The following IL1RAPL1 variants were observed in gnomAD, a reference collection of about 807,000 sequenced individuals.
IL1RAPL1 encodes interleukin-1 receptor accessory protein-like 1.
A neutral mutation model predicts 48.4 loss-of-function variants in IL1RAPL1; 3 were observed. That is an observed-to-expected ratio of 0.06 (90% CI 0.03 to 0.16). IL1RAPL1 has a LOEUF of 0.16. Among genes scored for constraint, IL1RAPL1 ranks in the 10% least tolerant of loss-of-function variants. The probability of loss-of-function intolerance (pLI) is 1.00; values close to 1 mark genes in which losing one functional copy is unlikely to be tolerated. For synonymous variants in IL1RAPL1, 185 were observed against 187.7 expected (o/e 0.99, Z 0.12); for missense variants, 349 against 530.6 (o/e 0.66, Z 3.36).
At chrX:29,401,907 C>A (rs1385907535) in intron 5 of IL1RAPL1, among the ~76,000 whole-genome samples, 1 of 106,005 alleles carries the variant, frequency 9.4e-6, no homozygotes, top group Non-Finnish European at 1.9e-5. Context: ...TTTTTTTTTT[C>A]TTTGGGAAAC....
At chrX:29,920,237 C>T (rs950810207) in intron 8 of IL1RAPL1, 143 bp downstream of exon 8, 7 of 702,682 alleles carry the variant, frequency 1.0e-5, no homozygotes, top group African/African-American at 6.5e-5. Context: ...TTAGAGCCAC[C>T]GAGGCAAACA....
chrX:29,479,414 C>CTAAAAAAAAAAAAAAAAAA (rs1935012675), intron 5 of IL1RAPL1, among the ~76,000 whole-genome samples: 1 of 42,506 alleles, frequency 2.4e-5, no homozygotes, highest in Non-Finnish European at 4.2e-5. Flanking sequence ...GACCCTGTCT[C>CTAAAAAAAAAAAAAAAAAA]AAAAAAAAAA....
chrX:29,527,706 G>A (rs1365215984), intron 5 of IL1RAPL1, among the ~76,000 whole-genome samples: 2 of 110,961 alleles, frequency 1.8e-5, no homozygotes, highest in East Asian at 2.8e-4. Context: ...TAAAAACTTC[G>A]CATGACAAAA....
intron 3 of IL1RAPL1, among the ~76,000 whole-genome samples, chrX:29,386,867 A>C (rs914805558): frequency 1.1e-4 from 12 of 111,912 alleles, no homozygotes; most frequent in African/African-American, 3.6e-4. Context: ...AATGCTCAGT[A>C]AGTGAGAGTT....
intron 2 of IL1RAPL1, among the ~76,000 whole-genome samples, chrX:28,850,833 GTT>G (rs368433174): frequency 1.2e-5 from 1 of 86,950 alleles, no homozygotes. Flanking sequence ...TACCCCTATG[GTT>G]TTTTTTTTTT....
intron 5 of IL1RAPL1, among the ~76,000 whole-genome samples, chrX:29,457,718 A>G (rs1934755590): frequency 8.9e-6 from 1 of 111,950 alleles, no homozygotes; most frequent in Non-Finnish European, 1.9e-5. Context: ...TTTTGGATAT[A>G]TATTTAGTAA....
intron 1 of IL1RAPL1, among the ~76,000 whole-genome samples, chrX:28,596,246 A>C (rs1468990561): frequency 8.9e-6 from 1 of 111,949 alleles, no homozygotes; most frequent in East Asian, 2.8e-4. Flanking sequence ...AAGTAAAAAA[A>C]GGAAAATTGA....
chrX:29,605,999 A>G (rs990550455), intron 5 of IL1RAPL1, among the ~76,000 whole-genome samples: 2 of 112,101 alleles, frequency 1.8e-5, no homozygotes, highest in Admixed American at 9.4e-5. Flanking sequence ...TTTTCTCCGT[A>G]GTAAGAAACC....
At chrX:29,357,707 A>G (rs1163327560) in intron 3 of IL1RAPL1, among the ~76,000 whole-genome samples, 2 of 112,247 alleles carry the variant, frequency 1.8e-5, no homozygotes, top group African/African-American at 6.5e-5. Flanking sequence ...AAGACACGAT[A>G]CCTTTCCTCC....
chrX:29,160,652 A>C (rs1408488813), intron 2 of IL1RAPL1, among the ~76,000 whole-genome samples: 1 of 112,487 alleles, frequency 8.9e-6, no homozygotes, highest in Non-Finnish European at 1.9e-5. Context: ...ACTAAGTGCC[A>C]ACAACTATGC....
intron 5 of IL1RAPL1, among the ~76,000 whole-genome samples, chrX:29,554,879 A>G (rs1162928325): frequency 8.9e-6 from 1 of 112,540 alleles, no homozygotes; most frequent in Non-Finnish European, 1.9e-5. Flanking sequence ...ACACATTCCT[A>G]GTTTAACTAT....
chrX:29,030,671 A>T (rs61437931), intron 2 of IL1RAPL1, among the ~76,000 whole-genome samples: 35 of 111,468 alleles, frequency 3.1e-4, no homozygotes, highest in African/African-American at 1.0e-3. Context: ...TATGTTGAAC[A>T]TGGTAGTTTG....
intron 5 of IL1RAPL1, among the ~76,000 whole-genome samples, chrX:29,433,929 T>C (rs1934451100): frequency 9.1e-6 from 1 of 110,238 alleles, no homozygotes. Flanking sequence ...CTTTGGGAAC[T>C]GTATAGGGCT....
At chrX:29,043,489 T>A (rs2147418343) in intron 2 of IL1RAPL1, among the ~76,000 whole-genome samples, 1 of 111,248 alleles carries the variant, frequency 9.0e-6, no homozygotes, top group East Asian at 2.8e-4. Flanking sequence ...TTTTTAACGT[T>A]TTTCACTGTC....
At chrX:28,637,734 T>G (rs746673018) in intron 1 of IL1RAPL1, among the ~76,000 whole-genome samples, 1 of 112,486 alleles carries the variant, frequency 8.9e-6, no homozygotes, top group East Asian at 2.8e-4. Context: ...TAAAACATTG[T>G]GTTTGCGTCC....
chrX:29,738,186 T>A lies in IL1RAPL1; in HGVS notation c.778+69682T>A, dbSNP rs185507082. ...GAGGAGAGAAAACCTTATTCCTTTT[T>A]TCCACCCCAAGCTCACCTTCCTAGA... On this transcript the variant is annotated intron_variant, in intron 6 of 10. Coordinates refer to ENST00000378993, the MANE Select transcript of IL1RAPL1 (RefSeq NM_014271.4). 7.2e-5 allele frequency among the ~76,000 whole-genome samples: 8 copies of A among 111,620 alleles called. No individual in the cohort carries two copies. The East Asian group carries it at 1.7e-3, about 24-fold the overall frequency.
chrX:28,724,835 T>C (rs1935643860), intron 1 of IL1RAPL1, among the ~76,000 whole-genome samples: 1 of 111,179 alleles, frequency 9.0e-6, no homozygotes, highest in Admixed American at 9.6e-5. Flanking sequence ...TATGGAAAAA[T>C]TAAAACATAT....
chrX:29,715,822 T>A (rs1329648266), intron 6 of IL1RAPL1, among the ~76,000 whole-genome samples: 1 of 112,110 alleles, frequency 8.9e-6, no homozygotes. Context: ...TAAACTTGCA[T>A]TGAATGTCTT....
Position 29,807,829 on chromosome X carries a change from G to A in IL1RAPL1, c.779-109635G>A, listed in dbSNP as rs547821498. Among the ~76,000 whole-genome samples the A allele has an allele frequency of 1.6e-4, 18 of 110,583 alleles. No individual in the cohort carries two copies. The South Asian group carries it at 6.6e-3, about 40-fold the overall frequency. On this transcript the variant is annotated intron_variant, in intron 6 of 10. Transcript: ENST00000378993. The stretch of plus-strand genomic sequence containing the variant: ...AATTCTTCAAGTCAGTTTTTATAAA[G>A]TAGCAAAGCGCATGATTATGCAATT...
Sources: allele counts gnomAD v4.1 joint callset (sites outside exome capture counted in the v4.1 genomes callset), GRCh38; gene constraint gnomAD v4.1.1; transcripts MANE v1.5; gene names NCBI Gene and HGNC (gene_info 2026-07-23, HGNC 2026-07-21).